LSAMP: variants seen among roughly 807,000 people sequenced by gnomAD.
LSAMP encodes limbic system-associated membrane protein.
A neutral mutation model predicts 38.6 loss-of-function variants in LSAMP; 7 were observed. That is an observed-to-expected ratio of 0.18 (90% CI 0.10 to 0.34). The LOEUF is 0.34. LSAMP is among the 10% of genes least tolerant of loss of function. The pLI is 1.00. For missense variants in LSAMP, 313 were observed against 420.0 expected, an observed-to-expected ratio of 0.75 and a Z score of 2.23; for synonymous variants, 154 against 166.8, an observed-to-expected ratio of 0.92 and a Z score of 0.59.
chr3:116,385,975 C>T (rs536777012), intron 1 of LSAMP, among the ~76,000 whole-genome samples: 2 of 151,982 alleles, frequency 1.3e-5, no homozygotes, highest in African/African-American at 4.8e-5. Context: ...TACAGAGTAA[C>T]CATGGGCCAG....
chr3:116,275,663 C>T lies in LSAMP; in HGVS notation c.155+169214G>A, dbSNP rs147460828. Among the ~76,000 whole-genome samples, 410 of 152,040 alleles carry T rather than the reference C, an allele frequency of 2.7e-3. 3 individuals are homozygous for T. Among genetic ancestry groups the T allele is most frequent in the East Asian group, 0.02 (104 of 5,148 alleles). ...AATATTCTTCCCAGACGTTTGCAGG[C>T]GGGACTGTGTGTAGAAATTCAAAAT... On this transcript the variant is annotated intron_variant, in intron 1 of 6. Transcript: ENST00000490035.
At chr3:116,200,361 C>T (rs1337834182) in intron 1 of LSAMP, among the ~76,000 whole-genome samples, 2 of 152,192 alleles carry the variant, frequency 1.3e-5, no homozygotes, top group East Asian at 3.9e-4. Context: ...GATATTGTTC[C>T]CTAAGTATAG....
chr3:116,184,658 G>A (rs990973132), intron 1 of LSAMP, among the ~76,000 whole-genome samples: 1 of 151,894 alleles, frequency 6.6e-6, no homozygotes, highest in Non-Finnish European at 1.5e-5. Flanking sequence ...CTTCAGATAC[G>A]ATTGCTTGCT....
chr3:116,182,397 A>G (rs1461279830), intron 1 of LSAMP, among the ~76,000 whole-genome samples: 1 of 151,296 alleles, frequency 6.6e-6, no homozygotes, highest in African/African-American at 2.4e-5. Flanking sequence ...ATAGAAATAT[A>G]TATACAAGAT....
chr3:116,066,144 G>T (rs1039160226), intron 2 of LSAMP, among the ~76,000 whole-genome samples: 1 of 152,102 alleles, frequency 6.6e-6, no homozygotes, highest in Non-Finnish European at 1.5e-5. Flanking sequence ...CCACTTCCTG[G>T]TTCATAGATG....
intron 2 of LSAMP, among the ~76,000 whole-genome samples, chr3:116,052,434 T>G (rs919733653): frequency 1.3e-5 from 2 of 152,148 alleles, no homozygotes; most frequent in African/African-American, 4.8e-5. Context: ...CTTTCACAAA[T>G]AAGTATGTAT....
chr3:116,062,953 C>A (rs1351984465), intron 2 of LSAMP, among the ~76,000 whole-genome samples: 1 of 152,110 alleles, frequency 6.6e-6, no homozygotes, highest in Non-Finnish European at 1.5e-5. Flanking sequence ...GAAAGGACTA[C>A]AACATGAGAA....
intron 3 of LSAMP, among the ~76,000 whole-genome samples, chr3:115,997,909 A>G (rs966094931): frequency 2.0e-5 from 3 of 146,898 alleles, no homozygotes; most frequent in Non-Finnish European, 4.5e-5. Flanking sequence ...TATAAAATAC[A>G]TATATACATA....
intron 3 of LSAMP, among the ~76,000 whole-genome samples, chr3:115,923,563 A>G (rs1937431339): frequency 6.6e-6 from 1 of 152,164 alleles, no homozygotes; most frequent in East Asian, 1.9e-4. Context: ...CTTAATTTAG[A>G]TAATCTATGT....
chr3:115,949,389 G>T (rs990012617), intron 3 of LSAMP, among the ~76,000 whole-genome samples: 2 of 148,242 alleles, frequency 1.3e-5, no homozygotes, highest in Non-Finnish European at 3.0e-5. Flanking sequence ...CTTAAAAATA[G>T]TTTTTTTGTT....
intron 1 of LSAMP, among the ~76,000 whole-genome samples, chr3:116,264,415 T>C (rs1220946675): frequency 6.6e-6 from 1 of 152,150 alleles, no homozygotes; most frequent in Non-Finnish European, 1.5e-5. Flanking sequence ...TTCCAAGACA[T>C]TGAGTCATGG....
chr3:116,267,174 G>A (rs2046903140), intron 1 of LSAMP, among the ~76,000 whole-genome samples: 1 of 151,968 alleles, frequency 6.6e-6, no homozygotes, highest in Non-Finnish European at 1.5e-5. Flanking sequence ...TTTGAAGTTG[G>A]CGCCACTTGC....
chr3:116,194,063 A>T (rs1357596260), intron 1 of LSAMP, among the ~76,000 whole-genome samples: 1 of 152,198 alleles, frequency 6.6e-6, no homozygotes, highest in Non-Finnish European at 1.5e-5. Flanking sequence ...CAGTTAACGC[A>T]ATCCGACTCC....
chr3:115,942,016 T>G (rs1259814449), intron 3 of LSAMP, among the ~76,000 whole-genome samples: 2 of 101,168 alleles, frequency 2.0e-5, no homozygotes, highest in Non-Finnish European at 4.7e-5. Context: ...AATTATTTTG[T>G]TTTAATTATA....
At chr3:116,168,030 C>A (rs1435111403) in intron 1 of LSAMP, among the ~76,000 whole-genome samples, 1 of 152,136 alleles carries the variant, frequency 6.6e-6, no homozygotes, top group Non-Finnish European at 1.5e-5. Context: ...ACAGACTCAG[C>A]AGGTTGAGCC....
chr3:115,843,752 G>A (rs968530097), intron 4 of LSAMP, among the ~76,000 whole-genome samples: 2 of 151,700 alleles, frequency 1.3e-5, no homozygotes, highest in Non-Finnish European at 2.9e-5. Flanking sequence ...GCAATTCTCT[G>A]AGTTTAAAAG....
At chr3:115,892,251 T>A (rs1936617322) in intron 3 of LSAMP, among the ~76,000 whole-genome samples, 1 of 151,928 alleles carries the variant, frequency 6.6e-6, no homozygotes. Flanking sequence ...TCTAAAAACA[T>A]CATAACCAAC....
chr3:116,165,837 G>A (rs1293304784), intron 1 of LSAMP, among the ~76,000 whole-genome samples: 2 of 152,000 alleles, frequency 1.3e-5, no homozygotes, highest in Non-Finnish European at 2.9e-5. Context: ...ATCTCTCCCT[G>A]GTTCCCTGCA....
intron 1 of LSAMP, among the ~76,000 whole-genome samples, chr3:116,348,843 A>T (rs1258147338): frequency 6.6e-6 from 1 of 152,166 alleles, no homozygotes; most frequent in African/African-American, 2.4e-5. Context: ...ACTCTTATTT[A>T]TAGTTGGTGA....
Sources: gnomAD v4.1 joint callset for allele counts (sites outside exome capture counted in the v4.1 genomes callset) on GRCh38, gnomAD v4.1.1 for gene constraint, MANE v1.5 for transcripts, NCBI Gene and HGNC (gene_info 2026-07-23, HGNC 2026-07-21) for gene names.